Variants in GLIS3 observed in about 807,000 individuals in gnomAD.
GLIS3 encodes GLIS family zinc finger 3.
GLIS3 carries 53 observed loss-of-function variants against 78.6 expected under a neutral mutation model. The observed-to-expected ratio is 0.67, with a 90% CI of 0.54 to 0.85. GLIS3 has a LOEUF of 0.85. GLIS3 is among the 40% of genes least tolerant of loss of function. The probability of loss-of-function intolerance (pLI) is 0.00; values close to 1 mark genes in which losing one functional copy is unlikely to be tolerated. For missense variants in GLIS3, 1,703 were observed against 1,231.1 expected (o/e 1.38, Z -5.74); for synonymous variants, 684 against 509.9 (o/e 1.34, Z -4.60).
chr9:4,382,309 C>T, the GLIS3 span, among the ~76,000 whole-genome samples: 1 of 152,106 alleles, frequency 6.6e-6, no homozygotes, highest in South Asian at 2.1e-4. Context: ...GAATGAAAAC[C>T]GAAATTCAAC....
chr9:4,402,297 T>C, the GLIS3 span, among the ~76,000 whole-genome samples: 1 of 152,234 alleles, frequency 6.6e-6, no homozygotes, highest in Non-Finnish European at 1.5e-5. Flanking sequence ...ACCACAGCAT[T>C]ACTGGGCTTG....
At chr9:4,234,488 G>C (rs1822540032) in intron 2 of GLIS3, among the ~76,000 whole-genome samples, 1 of 152,176 alleles carries the variant, frequency 6.6e-6, no homozygotes, top group Non-Finnish European at 1.5e-5. Flanking sequence ...TGTCATTTTA[G>C]TCTTATATGG....
At chr9:4,019,690 G>A (rs1195917493) in intron 4 of GLIS3, among the ~76,000 whole-genome samples, 1 of 152,126 alleles carries the variant, frequency 6.6e-6, no homozygotes, top group Non-Finnish European at 1.5e-5. Flanking sequence ...GATCGACAAT[G>A]TGAGACTCAT....
chr9:4,339,188 C>T (rs898370815), intron 2 of GLIS3, among the ~76,000 whole-genome samples: 12 of 152,166 alleles, frequency 7.9e-5, no homozygotes, highest in South Asian at 4.1e-4. Context: ...ATTCTGTCCC[C>T]AGGTGTGTAA....
intron 2 of GLIS3, among the ~76,000 whole-genome samples, chr9:4,127,995 C>G (rs1379853757): frequency 6.6e-6 from 1 of 152,118 alleles, no homozygotes; most frequent in Admixed American, 6.6e-5. Flanking sequence ...TTTTACGTAC[C>G]AGTAAGAACA....
chr9:4,186,320 A>T (rs1391626200), intron 2 of GLIS3, among the ~76,000 whole-genome samples: 1 of 152,030 alleles, frequency 6.6e-6, no homozygotes, highest in African/African-American at 2.4e-5. Context: ...CCTACAAAGG[A>T]CATGAACTCA....
chr9:4,083,818 C>T (rs1288848880), intron 4 of GLIS3, among the ~76,000 whole-genome samples: 1 of 152,310 alleles, frequency 6.6e-6, no homozygotes, highest in Middle Eastern at 3.4e-3. Context: ...ACCAGCTAAG[C>T]TTACAGTACT....
At chr9:4,296,020 G>A (rs916350014) in intron 1 of GLIS3, among the ~76,000 whole-genome samples, 5 of 152,026 alleles carry the variant, frequency 3.3e-5, no homozygotes, top group Non-Finnish European at 5.9e-5. Context: ...AAGTAAAACA[G>A]TTAAGTCCTG....
intron 8 of GLIS3, among the ~76,000 whole-genome samples, chr9:3,863,807 A>T (rs1820391290): frequency 6.6e-6 from 1 of 152,066 alleles, no homozygotes. Context: ...CAAACTAATC[A>T]ATGCCCAAGG....
At chr9:3,975,227 A>T (rs1237297288) in intron 4 of GLIS3, 1 of 152,248 alleles carries the variant, frequency 6.6e-6, no homozygotes, top group Admixed American at 6.5e-5. Flanking sequence ...GCAGCCAAGA[A>T]GATTCTCAAC....
chr9:4,208,178 G>C (rs966229442), intron 2 of GLIS3, among the ~76,000 whole-genome samples: 2 of 152,194 alleles, frequency 1.3e-5, no homozygotes, highest in Non-Finnish European at 2.9e-5. Flanking sequence ...TGCCACACAT[G>C]AGTAATCTAA....
At chr9:4,489,998 C>T in the GLIS3 span, among the ~76,000 whole-genome samples, 1 of 152,180 alleles carries the variant, frequency 6.6e-6, no homozygotes, top group African/African-American at 2.4e-5. Context: ...CGGCTGCTGG[C>T]ACATCCCAGC....
chr9:3,937,318 A>G, intron 4 of GLIS3, 129 bp from the exon 5 acceptor site: 1 of 903,112 alleles, frequency 1.1e-6, no homozygotes. Flanking sequence ...AAATCCAAAC[A>G]GTAATAAATA....
At chr9:3,930,985 C>A (rs1588254305) in intron 6 of GLIS3, among the ~76,000 whole-genome samples, 1 of 152,120 alleles carries the variant, frequency 6.6e-6, no homozygotes, top group East Asian at 1.9e-4. Context: ...TGCTTTCTAA[C>A]TTTATTTACA....
At chr9:4,288,400 G>A (rs923296452) in intron 1 of GLIS3, among the ~76,000 whole-genome samples, 1 of 152,176 alleles carries the variant, frequency 6.6e-6, no homozygotes, top group Non-Finnish European at 1.5e-5. Context: ...CAACATGACT[G>A]GAAATATGAG....
chr9:4,277,380 A>G (rs932945584), intron 2 of GLIS3, among the ~76,000 whole-genome samples: 1 of 152,248 alleles, frequency 6.6e-6, no homozygotes, highest in African/African-American at 2.4e-5. Context: ...ATAGCCAAAC[A>G]CAAACAGTAA....
the GLIS3 span, among the ~76,000 whole-genome samples, chr9:4,382,100 T>C: frequency 6.6e-6 from 1 of 152,228 alleles, no homozygotes; most frequent in East Asian, 1.9e-4. Context: ...TTTGCTTCTT[T>C]AGCTCCCTTG....
At chr9:4,404,716 G>C in the GLIS3 span, among the ~76,000 whole-genome samples, 3 of 152,024 alleles carry the variant, frequency 2.0e-5, no homozygotes, top group Admixed American at 1.3e-4. Context: ...GATACAGTGA[G>C]AGCAGTACTG....
rs1271970823 is a variant in GLIS3 at position 3,827,107 on chromosome 9, G to A, written c.*1165C>T. 2 of 152,196 alleles carry A rather than the reference G, an allele frequency of 1.3e-5. No individual in the cohort carries two copies. The highest frequency in any genetic ancestry group is 2.4e-5 in the African/African-American group (1 of 41,444). The allele number at this position is 152,196 out of a possible 1,614,324, so 9.4% of individuals were successfully genotyped here. A position where few individuals can be genotyped will look rare whatever the true frequency, so the allele number is the denominator to read the frequency against. ...CTTCCCAAGATGATCAGACAATGGC[G>A]GCTGGTGGGGATATATGAACCACAG... On this transcript the variant is annotated 3_prime_UTR_variant, in exon 11 of 11. Coordinates refer to ENST00000381971, the MANE Select transcript of GLIS3 (RefSeq NM_001042413.2).
Sources: allele counts gnomAD v4.1 joint callset (sites outside exome capture counted in the v4.1 genomes callset), GRCh38; gene constraint gnomAD v4.1.1; transcripts MANE v1.5; gene names NCBI Gene and HGNC (gene_info 2026-07-23, HGNC 2026-07-21).